Variants in STX7 observed in about 807,000 individuals in gnomAD.
STX7 encodes the protein syntaxin-7.
STX7 carries 34 observed loss-of-function variants against 39.6 expected under a neutral mutation model. The ratio of observed to expected loss-of-function variants is 0.86; its 90% CI spans 0.65 to 1.14. The LOEUF (loss-of-function observed/expected upper bound fraction) is 1.14, where lower values mean the gene tolerates loss of function less well. STX7 is among the 50% of genes most tolerant of loss of function. The pLI, the probability that STX7 is intolerant of heterozygous loss-of-function variation, is 0.00. For missense variants in STX7, 284 were observed against 310.4 expected, an observed-to-expected ratio of 0.92 and a Z score of 0.64; for synonymous variants, 119 against 99.1, an observed-to-expected ratio of 1.20 and a Z score of -1.19.
intron 2 of STX7, among the ~76,000 whole-genome samples, chr6:132,502,313 C>T (rs758824014): frequency 6.6e-6 from 1 of 152,112 alleles, no homozygotes. Context: ...AAAAGAATAG[C>T]CTTGTAAGGA....
chr6:132,487,066 TA>T (rs1175228153), intron 2 of STX7, among the ~76,000 whole-genome samples: 4 of 152,244 alleles, frequency 2.6e-5, no homozygotes, highest in African/African-American at 9.6e-5. Context: ...ACAGTTTGTG[TA>T]CAATTAGTTA....
chr6:132,473,672 A>C (rs977742218), intron 3 of STX7, among the ~76,000 whole-genome samples: 9 of 152,194 alleles, frequency 5.9e-5, no homozygotes, highest in African/African-American at 2.2e-4. Flanking sequence ...TGACACTAAA[A>C]AAAAGCTCAT....
At chr6:132,503,674 C>A in intron 1 of STX7, 86 bp from the exon 2 acceptor site, 14 of 541,486 alleles carry the variant, frequency 2.6e-5, no homozygotes, top group Non-Finnish European at 3.2e-5. Context: ...GTTACAAGGA[C>A]AAACTTGATT....
rs1774159868 is a variant in STX7 at position 132,452,766 on chromosome 6, A to T, written c.*7992T>A. ...GAAGTGAAGTGATCCTGTGATCATG[A>T]TCGGGAAGGCTTAACATGGTAAAGA... On this transcript the variant is annotated 3_prime_UTR_variant, in exon 10 of 10. Transcript: ENST00000367941. 6.6e-6 allele frequency: 1 copy of T among 152,162 alleles called. No individual in the cohort carries two copies. The highest frequency in any genetic ancestry group is 2.1e-4 in the South Asian group (1 of 4,834). 9.4% of individuals were successfully genotyped at this position (152,162 alleles called of 1,614,324 possible). A position where few individuals can be genotyped will look rare whatever the true frequency, so the allele number is the denominator to read the frequency against.
In STX7 at chr6:132,454,295, G is replaced by A. The variant is rs1183598225; in HGVS notation, c.*6463C>T. The A allele has an allele frequency of 2.6e-5, 4 of 152,024 alleles. No homozygotes were observed. The highest frequency in any genetic ancestry group is 5.9e-5 in the Non-Finnish European group (4 of 67,982). 9.4% of individuals were successfully genotyped at this position (152,024 alleles called of 1,614,324 possible). Reference sequence around the variant, plus strand: ...AGGGTTAAGAAGGGAGTAGGGATGGGAGTGAAGTGGGTATGGTCATCAAAA... The same window carrying A: ...AGGGTTAAGAAGGGAGTAGGGATGGAAGTGAAGTGGGTATGGTCATCAAAA... On this transcript the variant is annotated 3_prime_UTR_variant, in exon 10 of 10. Transcript: ENST00000367941.
Position 132,448,137 on chromosome 6 carries a change from ACTAACTT to A in STX7, c.*12614_*12620del, listed in dbSNP as rs202138934. The stretch of plus-strand genomic sequence containing the variant: ...AGTATCAGGATCTTGGAGCACTCAC[ACTAACTT>A]CTAAGTGCTCCCGGACACTTTCCCC... On this transcript the variant is annotated 3_prime_UTR_variant, in exon 10 of 10. Coordinates refer to ENST00000367941, the MANE Select transcript of STX7 (RefSeq NM_003569.3). The A allele has an allele frequency of 1.1e-4, 16 of 152,310 alleles. 1 individual carries two copies. Among genetic ancestry groups the A allele is most frequent in the African/African-American group, 3.6e-4 (15 of 41,574 alleles). 9.4% of individuals were successfully genotyped at this position (152,310 alleles called of 1,614,324 possible).
rs937167535 is a variant in STX7, at chr6:132,452,157, G to A, written c.*8601C>T. The stretch of plus-strand genomic sequence containing the variant: ...AAATGGCATTATGTAAATTAAGGCA[G>A]AAAAAGCATTTGACAAAATTCAACA... On this transcript the variant is annotated 3_prime_UTR_variant, in exon 10 of 10. Coordinates refer to ENST00000367941, the MANE Select transcript of STX7 (RefSeq NM_003569.3). 1 of 152,024 alleles carries A rather than the reference G, an allele frequency of 6.6e-6. No homozygotes were observed. The highest frequency in any genetic ancestry group is 2.4e-5 in the African/African-American group (1 of 41,382). The allele number at this position is 152,024 out of a possible 1,614,324, so 9.4% of individuals were successfully genotyped here.
intron 5 of STX7, among the ~76,000 whole-genome samples, chr6:132,471,182 A>T (rs1301586681): frequency 6.6e-6 from 1 of 152,118 alleles, no homozygotes; most frequent in African/African-American, 2.4e-5. Flanking sequence ...TGAGAATACT[A>T]CTCAGGATTT....
In STX7 at chr6:132,450,150, T is replaced by C. The variant is rs1194964742; in HGVS notation, c.*10608A>G. On this transcript the variant is annotated 3_prime_UTR_variant, in exon 10 of 10. Transcript: ENST00000367941. ...TTGGTAATAGCCTTTAGTGATTATC[T>C]TTCTTTCTAATGAGCCAGGAAATGA... 1 of 152,230 alleles carries C rather than the reference T, an allele frequency of 6.6e-6. No homozygotes were observed. The highest frequency in any genetic ancestry group is 1.5e-5 in the Non-Finnish European group (1 of 68,044). 9.4% of individuals were successfully genotyped at this position (152,230 alleles called of 1,614,324 possible).
At chr6:132,505,739 T>TAA (rs368964430) in intron 1 of STX7, among the ~76,000 whole-genome samples, 2,037 of 60,184 alleles carry the variant, frequency 0.034, 136 homozygotes, top group African/African-American at 0.092. Flanking sequence ...CCAAGTCACT[T>TAA]AAAAAAAAAA....
At chr6:132,494,989 C>G (rs1041854291) in intron 2 of STX7, among the ~76,000 whole-genome samples, 1 of 151,920 alleles carries the variant, frequency 6.6e-6, no homozygotes. Flanking sequence ...CAGATCTGAC[C>G]GGTAGAACCA....
In STX7 at chr6:132,468,434, T is replaced by C. The variant is rs367754445; in HGVS notation, c.579A>G (p.Gly193=). ...CATCTCCTTGTTCATGAATCATCAT[T>C]CCCAAATCTTTAAATATTTCATTAA... ...MDINEIFKDL[G]MMIHEQGDVI... is the part of the protein sequence containing the mutation. The change falls in exon 8 of 10, where the codon GGA becomes GGG. Residue 193 remains glycine, a synonymous_variant. Transcript: ENST00000367941. 6.8e-6 allele frequency: 11 copies of C among 1,607,982 alleles called. No individual in the cohort carries two copies. Among genetic ancestry groups the C allele is most frequent in the Non-Finnish European group, 9.3e-6 (11 of 1,176,980 alleles).
intron 2 of STX7, among the ~76,000 whole-genome samples, chr6:132,478,594 G>T (rs114048684): frequency 6.6e-6 from 1 of 152,178 alleles, no homozygotes; most frequent in Non-Finnish European, 1.5e-5. Flanking sequence ...AAAGAGCAGG[G>T]AGTGGACATG....
Position 132,482,138 on chromosome 6 carries a change from T to C in STX7, c.86-6476A>G, listed in dbSNP as rs547164143. 5.3e-5 allele frequency among the ~76,000 whole-genome samples: 8 copies of C among 152,318 alleles called. No homozygotes were observed. In the East Asian group the frequency reaches 1.5e-3, roughly 29 times the overall value. On this transcript the variant is annotated intron_variant, in intron 2 of 9. Transcript: ENST00000367941. Reference sequence around the variant, plus strand: ...AGATCAAAACGTACGTAAGAAATAATATATATTTCTAAAACATACAGCATA... The same window carrying C: ...AGATCAAAACGTACGTAAGAAATAACATATATTTCTAAAACATACAGCATA...
chr6:132,488,210 GA>G (rs1281627101), intron 2 of STX7, among the ~76,000 whole-genome samples: 26 of 152,062 alleles, frequency 1.7e-4, no homozygotes, highest in Non-Finnish European at 1.5e-4. Context: ...TTCTGTTACT[GA>G]GTTCTAATTT....
At chr6:132,487,380 G>C (rs1775164692) in intron 2 of STX7, among the ~76,000 whole-genome samples, 1 of 152,180 alleles carries the variant, frequency 6.6e-6, no homozygotes, top group Non-Finnish European at 1.5e-5. Flanking sequence ...CACAGGAACA[G>C]AAAAGCAAAT....
intron 2 of STX7, among the ~76,000 whole-genome samples, chr6:132,488,681 G>A (rs1356838755): frequency 6.6e-6 from 1 of 152,096 alleles, no homozygotes; most frequent in South Asian, 2.1e-4. Flanking sequence ...TTGTAGAGAT[G>A]ATAAATATCA....
chr6:132,503,673 A>T (rs931890634), intron 1 of STX7, 85 bp from the exon 2 acceptor site: 1 of 591,858 alleles, frequency 1.7e-6, no homozygotes, highest in Admixed American at 3.2e-5. Flanking sequence ...AGTTACAAGG[A>T]CAAACTTGAT....
intron 2 of STX7, 52 bp downstream of exon 2, chr6:132,503,394 G>T: frequency 6.8e-7 from 1 of 1,479,220 alleles, no homozygotes; most frequent in Non-Finnish European, 9.4e-7. Context: ...CCTCCACCAA[G>T]TTCAGTTAAG....
Sources: allele counts gnomAD v4.1 joint callset (sites outside exome capture counted in the v4.1 genomes callset), GRCh38; gene constraint gnomAD v4.1.1; transcripts MANE v1.5; gene names NCBI Gene and HGNC (gene_info 2026-07-23, HGNC 2026-07-21).